SLC9A9: variants seen among roughly 807,000 people sequenced by gnomAD.
The protein encoded by SLC9A9 is solute carrier family 9 member A9, also known as sodium/hydrogen exchanger 9.
Under a neutral mutation model 77.8 loss-of-function variants are expected in SLC9A9, and 62 were observed. The ratio of observed to expected loss-of-function variants is 0.80; its 90% CI spans 0.65 to 0.98. The LOEUF is 0.98. SLC9A9 is among the 50% of genes least tolerant of loss of function. SLC9A9 has a pLI of 0.00. For missense variants in SLC9A9, 775 were observed against 774.9 expected, an observed-to-expected ratio of 1.00 and a Z score of 0.00; for synonymous variants, 320 against 283.5, an observed-to-expected ratio of 1.13 and a Z score of -1.29.
At chr3:143,796,270 T>G (rs2008382517) in intron 3 of SLC9A9, among the ~76,000 whole-genome samples, 1 of 152,046 alleles carries the variant, frequency 6.6e-6, no homozygotes, top group Non-Finnish European at 1.5e-5. Context: ...TAGTCTTGAG[T>G]TTTCACTTTA....
chr3:143,467,615 T>G (rs751701492), intron 11 of SLC9A9, among the ~76,000 whole-genome samples: 1 of 152,000 alleles, frequency 6.6e-6, no homozygotes, highest in Non-Finnish European at 1.5e-5. Flanking sequence ...CATGGTGGCA[T>G]GTGTCTTTAG....
intron 4 of SLC9A9, among the ~76,000 whole-genome samples, chr3:143,792,671 T>C (rs114053115): frequency 1.4e-3 from 220 of 152,288 alleles, no homozygotes; most frequent in African/African-American, 5.2e-3. Context: ...TTCTTCAAAA[T>C]AGTGATGTTC....
chr3:143,300,407 A>T (rs1051702900), intron 14 of SLC9A9, among the ~76,000 whole-genome samples: 1 of 152,258 alleles, frequency 6.6e-6, no homozygotes, highest in Non-Finnish European at 1.5e-5. Context: ...GAAGAAGCAG[A>T]TAAACCTCTT....
intron 4 of SLC9A9, among the ~76,000 whole-genome samples, chr3:143,737,393 A>G (rs1934965539): frequency 6.6e-6 from 1 of 152,068 alleles, no homozygotes. Flanking sequence ...AGCAGGTAGA[A>G]TAATTAAGAT....
chr3:143,560,430 C>CTTT (rs990836738), intron 8 of SLC9A9, among the ~76,000 whole-genome samples: 1 of 151,518 alleles, frequency 6.6e-6, no homozygotes, highest in Non-Finnish European at 1.5e-5. Context: ...TTTTGTTACC[C>CTTT]TTTTTTTTGG....
intron 4 of SLC9A9, among the ~76,000 whole-genome samples, chr3:143,754,008 TC>T (rs1553789052): frequency 2.0e-5 from 1 of 49,684 alleles, no homozygotes; most frequent in Non-Finnish European, 5.0e-5. Context: ...TCAGGATTTC[TC>T]TTTCTCCTTC....
chr3:143,305,736 A>C lies in SLC9A9; in HGVS notation c.1605-36756T>G, dbSNP rs553222425. ...AATTCTATTTAAAGCCCCTCACCAAAACTAACTGCCCATCACCTCATTAAA... is the reference window on the plus strand; with the variant it reads ...AATTCTATTTAAAGCCCCTCACCAACACTAACTGCCCATCACCTCATTAAA... On this transcript the variant is annotated intron_variant, in intron 14 of 15. Transcript: ENST00000316549. 2.0e-5 allele frequency among the ~76,000 whole-genome samples: 3 copies of C among 152,254 alleles called. No homozygotes were observed. The South Asian group carries it at 6.2e-4, about 32-fold the overall frequency.
intron 8 of SLC9A9, among the ~76,000 whole-genome samples, chr3:143,558,392 G>T (rs748553732): frequency 2.8e-4 from 43 of 152,140 alleles, no homozygotes; most frequent in Non-Finnish European, 5.4e-4. Flanking sequence ...CTGACAGCTT[G>T]CACCGTGCAC....
chr3:143,639,183 C>G (rs73005537), intron 6 of SLC9A9, among the ~76,000 whole-genome samples: 2 of 152,202 alleles, frequency 1.3e-5, no homozygotes, highest in Admixed American at 1.3e-4. Flanking sequence ...CCCTCCACCC[C>G]CTGAAGTGAG....
intron 4 of SLC9A9, among the ~76,000 whole-genome samples, chr3:143,710,182 A>G (rs1022861884): frequency 2.6e-5 from 4 of 152,374 alleles, no homozygotes; most frequent in African/African-American, 4.8e-5. Context: ...AAACATATAC[A>G]TTTATATACA....
At chr3:143,485,950 T>A (rs2035647450) in intron 11 of SLC9A9, among the ~76,000 whole-genome samples, 1 of 151,930 alleles carries the variant, frequency 6.6e-6, no homozygotes, top group South Asian at 2.1e-4. Flanking sequence ...AGAAGCTTCA[T>A]GAACTCCAAG....
At chr3:143,351,041 C>CT (rs1321744617) in intron 14 of SLC9A9, among the ~76,000 whole-genome samples, 2 of 152,172 alleles carry the variant, frequency 1.3e-5, no homozygotes, top group African/African-American at 4.8e-5. Context: ...GGGGAAAGGC[C>CT]TGAGGGTTCC....
chr3:143,614,054 T>C (rs149807262), intron 6 of SLC9A9, among the ~76,000 whole-genome samples: 2 of 152,360 alleles, frequency 1.3e-5, no homozygotes, highest in East Asian at 3.9e-4. Context: ...AGATTCTTTA[T>C]GTTACCTCTG....
At chr3:143,804,617 C>A (rs1054793324) in intron 2 of SLC9A9, among the ~76,000 whole-genome samples, 1 of 152,156 alleles carries the variant, frequency 6.6e-6, no homozygotes, top group South Asian at 2.1e-4. Flanking sequence ...TGTCTACCTG[C>A]TAACTGGACA....
rs547132443 is a variant in SLC9A9 at position 143,706,482 on chromosome 3, G to C, written c.534-13175C>G. ...TTTGTTCTTTCTGTTTAATTAGAAA[G>C]GTTGTGGAGAAAAAGAGGATGATGC... On this transcript the variant is annotated intron_variant, in intron 4 of 15. Transcript: ENST00000316549. Among the ~76,000 whole-genome samples the C allele has an allele frequency of 6.6e-4, 101 of 152,262 alleles. 2 individuals carry two copies. The highest frequency in any genetic ancestry group is 6.8e-3 in the Middle Eastern group (2 of 294).
intron 13 of SLC9A9, among the ~76,000 whole-genome samples, chr3:143,375,720 GAAC>G (rs1298008603): frequency 6.6e-6 from 1 of 152,180 alleles, no homozygotes; most frequent in African/African-American, 2.4e-5. Flanking sequence ...GTCCACTATA[GAAC>G]AACTGAACCC....
chr3:143,524,950 G>C (rs2036379530), intron 9 of SLC9A9, among the ~76,000 whole-genome samples: 1 of 152,186 alleles, frequency 6.6e-6, no homozygotes. Context: ...GCTAGCCAAA[G>C]ATGACTGCCT....
chr3:143,267,345 CTTT>C (rs749407002), intron 15 of SLC9A9, among the ~76,000 whole-genome samples: 7 of 113,622 alleles, frequency 6.2e-5, no homozygotes, highest in African/African-American at 1.1e-4. Context: ...GTTATTGCTA[CTTT>C]TTTTTTTTTT....
intron 5 of SLC9A9, among the ~76,000 whole-genome samples, chr3:143,676,397 A>G (rs1932887393): frequency 6.6e-6 from 1 of 152,198 alleles, no homozygotes; most frequent in Non-Finnish European, 1.5e-5. Flanking sequence ...GCAAAAACAA[A>G]CAAACAAACA....
Sources: gnomAD v4.1 joint callset for allele counts (sites outside exome capture counted in the v4.1 genomes callset) on GRCh38, gnomAD v4.1.1 for gene constraint, MANE v1.5 for transcripts, NCBI Gene and HGNC (gene_info 2026-07-23, HGNC 2026-07-21) for gene names.